PRICKLE4: variants seen among roughly 807,000 people sequenced by gnomAD.
The protein encoded by PRICKLE4 is prickle planar cell polarity protein 4, also known as prickle-like protein 4.
In PRICKLE4, 40 loss-of-function variants were observed where a neutral mutation model predicts 43.5. The ratio of observed to expected loss-of-function variants is 0.92; its 90% CI spans 0.71 to 1.20. The LOEUF is 1.20. Among genes scored for constraint, PRICKLE4 ranks in the 50% most tolerant of loss-of-function variants. The pLI is 0.00. For missense variants in PRICKLE4, 527 were observed against 491.2 expected, an observed-to-expected ratio of 1.07 and a Z score of -0.69; for synonymous variants, 208 against 197.4, an observed-to-expected ratio of 1.05 and a Z score of -0.45.
chr6:41,786,529 G>A (rs1891454), intron 7 of PRICKLE4, 197 bp downstream of exon 7: 2 of 1,005,660 alleles, frequency 2.0e-6, no homozygotes, highest in East Asian at 2.9e-5. Context: ...AGGGCCGCCC[G>A]AACCCACCCC....
intron 2 of PRICKLE4, among the ~76,000 whole-genome samples, chr6:41,782,335 G>A (rs1772565883): frequency 6.7e-6 from 1 of 149,046 alleles, no homozygotes; most frequent in South Asian, 2.1e-4. Flanking sequence ...GCCTCCCAAA[G>A]TGCTGGGATT....
chr6:41,786,019 A>C, intron 6 of PRICKLE4, 109 bp from the exon 7 acceptor site: 1 of 1,154,646 alleles, frequency 8.7e-7, no homozygotes, highest in Non-Finnish European at 1.3e-6. Context: ...TTAAATGGGA[A>C]TGTGTGCAGA....
intron 7 of PRICKLE4, 154 bp downstream of exon 7, chr6:41,786,486 C>T (rs578065599): frequency 5.3e-5 from 56 of 1,060,804 alleles, no homozygotes; most frequent in South Asian, 5.2e-4. Context: ...GGGCCCGCAG[C>T]TCTCACCGCG....
intron 4 of PRICKLE4, 94 bp from the exon 5 acceptor site, chr6:41,784,841 C>G: frequency 6.6e-7 from 1 of 1,516,460 alleles, no homozygotes; most frequent in South Asian, 1.2e-5. Flanking sequence ...TACAACCTTT[C>G]TCTGACCCAG....
chr6:41,787,031 T>A lies in PRICKLE4; in HGVS notation c.1057T>A (p.Phe353Ile). ...SSSSDSEPEG[F>I]FLGERLPQSW... is the part of the protein sequence containing the mutation. ...CTCCTCTGACTCGGAACCTGAAGGA[T>A]TTTTCTTAGGCGAGCGCCTTCCCCA... The change falls in exon 8 of 8, where the codon TTT becomes ATT. Residue 353 changes from phenylalanine (F) to isoleucine (I), a missense_variant. Physicochemically the swap from Phe to Ile is conservative, Grantham distance 21. Coordinates refer to ENST00000458694, the MANE Select transcript of PRICKLE4 (RefSeq NM_013397.6). 6.2e-7 allele frequency: 1 copy of A among 1,613,884 alleles called. No individual in the cohort carries two copies. The highest frequency in any genetic ancestry group is 8.5e-7 in the Non-Finnish European group (1 of 1,179,984).
intron 4 of PRICKLE4, 79 bp from the exon 5 acceptor site, chr6:41,784,856 C>G: frequency 6.4e-7 from 1 of 1,572,556 alleles, no homozygotes; most frequent in South Asian, 1.1e-5. Flanking sequence ...ACCCAGCAGC[C>G]AAGCCCTTTT....
rs755743930 is a variant in PRICKLE4 at position 41,784,958 on chromosome 6, G to A, written c.264G>A (p.Gly88=). ...DIDERYCLAL[G]EEERAELQLF... is the part of the protein sequence containing the mutation. Reference sequence around the variant, plus strand: ...AGGAGCGCTACTGCCTGGCCCTTGGGGAGGAGGAGCGGGCCGAGCTGCAGC... The same window carrying A: ...AGGAGCGCTACTGCCTGGCCCTTGGAGAGGAGGAGCGGGCCGAGCTGCAGC... The change falls in exon 5 of 8, where the codon GGG becomes GGA. Residue 88 remains glycine, a synonymous_variant. Transcript: ENST00000458694. 1.2e-5 allele frequency: 19 copies of A among 1,614,054 alleles called. No homozygotes were observed. Among genetic ancestry groups the A allele is most frequent in the Non-Finnish European group, 1.4e-5 (16 of 1,180,002 alleles).
chr6:41,786,461 C>T (rs892288363), intron 7 of PRICKLE4, 129 bp downstream of exon 7: 18 of 1,170,484 alleles, frequency 1.5e-5, no homozygotes, highest in Non-Finnish European at 2.2e-5. Flanking sequence ...CCGCACCCCC[C>T]AGACCCAAGC....
chr6:41,785,986 G>A, intron 6 of PRICKLE4, 142 bp from the exon 7 acceptor site: 1 of 941,598 alleles, frequency 1.1e-6, no homozygotes, highest in Non-Finnish European at 1.6e-6. Context: ...AGTCCTCCCT[G>A]CGTCCAAAAG....
chr6:41,784,264 T>C (rs775257234), intron 4 of PRICKLE4, 26 bp downstream of exon 4: 1 of 1,521,972 alleles, frequency 6.6e-7, no homozygotes, highest in East Asian at 2.3e-5. Flanking sequence ...CCATCTTCCC[T>C]CTCTTGCCTT....
Position 41,785,508 on chromosome 6 carries a change from T to C in PRICKLE4, c.550T>C (p.Leu184=). 1 of 1,613,730 alleles carries C rather than the reference T, an allele frequency of 6.2e-7. No homozygotes were observed. Among genetic ancestry groups the C allele is most frequent in the Non-Finnish European group, 8.5e-7 (1 of 1,180,020 alleles). ...QLYCGRHHAE[L]LRPRCPACDQ... is the part of the protein sequence containing the mutation. ...CTACTGCGGCCGTCATCATGCAGAGTTGCTGCGCCCGCGCTGCCCGGCTTG... is the reference window on the plus strand; with the variant it reads ...CTACTGCGGCCGTCATCATGCAGAGCTGCTGCGCCCGCGCTGCCCGGCTTG... Residue 184 remains leucine, a synonymous_variant, in exon 6 of 8, where the codon TTG becomes CTG. Coordinates refer to ENST00000458694, the MANE Select transcript of PRICKLE4 (RefSeq NM_013397.6).
chr6:41,784,520 G>C lies in PRICKLE4; in HGVS notation c.240+282G>C, dbSNP rs539055616. ...ACGGATAATGGAATGTACAAATGTA[G>C]AGAGTATGGTTGTTACGTATTTATT... On this transcript the variant is annotated intron_variant, in intron 4 of 7. Coordinates refer to ENST00000458694, the MANE Select transcript of PRICKLE4 (RefSeq NM_013397.6). 2.0e-5 allele frequency among the ~76,000 whole-genome samples: 3 copies of C among 152,354 alleles called. No homozygotes were observed. In the East Asian group the frequency reaches 5.8e-4, roughly 29 times the overall value.
chr6:41,783,429 A>G, intron 2 of PRICKLE4, 33 bp from the exon 3 acceptor site: 1 of 1,449,440 alleles, frequency 6.9e-7, no homozygotes, highest in Non-Finnish European at 9.4e-7. Context: ...TAACGGCCTA[A>G]TACATGGAGG....
rs926818868 is a variant in PRICKLE4, at chr6:41,786,107, C to A, written c.583-21C>A. The A allele has an allele frequency of 2.5e-6, 4 of 1,604,364 alleles. No homozygotes were observed. In the African/African-American group the frequency reaches 4.0e-5, roughly 16 times the overall value. On this transcript the variant is annotated intron_variant, in intron 6 of 7. Transcript: ENST00000458694. ...GGGAATGAATGAATGAAACGTTCCC[C>A]TCTCCCTCTCCCTCTCCCAGCTGAT... is the stretch of plus-strand genomic sequence containing the variant.
rs1772552304 is a variant in PRICKLE4, at chr6:41,781,443, T to G, written c.-90T>G. On this transcript the variant is annotated 5_prime_UTR_variant, in exon 2 of 8. Coordinates refer to ENST00000458694, the MANE Select transcript of PRICKLE4 (RefSeq NM_013397.6). Reference sequence around the variant, plus strand: ...GAGCAGGGGCAGTGCTGTTAGTGGCTACTCCTGGTGTGAACAGCCCATCCT... The same window carrying G: ...GAGCAGGGGCAGTGCTGTTAGTGGCGACTCCTGGTGTGAACAGCCCATCCT... The G allele has an allele frequency of 6.5e-6, 1 of 152,856 alleles. No individual in the cohort carries two copies. 9.5% of individuals were successfully genotyped at this position (152,856 alleles called of 1,614,324 possible). A position where few individuals can be genotyped will look rare whatever the true frequency, so the allele number is the denominator to read the frequency against.
intron 4 of PRICKLE4, 40 bp downstream of exon 4, chr6:41,784,278 C>T (rs1772604465): frequency 4.1e-6 from 6 of 1,446,162 alleles, no homozygotes; most frequent in Middle Eastern, 3.6e-4. Flanking sequence ...TTGCCTTTCC[C>T]TCCCTCATCT....
rs779158807 is a variant in PRICKLE4 at position 41,785,490 on chromosome 6, G to A, written c.532G>A (p.Gly178Ser). Residue 178 changes from glycine (G) to serine (S), a missense_variant, in exon 6 of 8, where the codon GGC becomes AGC. Coordinates refer to ENST00000458694, the MANE Select transcript of PRICKLE4 (RefSeq NM_013397.6). ...CTACCATGATGGACAACTCTACTGC[G>A]GCCGTCATCATGCAGAGTTGCTGCG... ...YFYHDGQLYC[G>S]RHHAELLRPR... 37 of 1,613,864 alleles carry A rather than the reference G, an allele frequency of 2.3e-5. 1 individual carries two copies. In the South Asian group the frequency reaches 3.4e-4, roughly 15 times the overall value.
chr6:41,783,999 G>C, intron 3 of PRICKLE4, 132 bp from the exon 4 acceptor site: 1 of 696,962 alleles, frequency 1.4e-6, no homozygotes, highest in South Asian at 1.8e-5. Context: ...CTGCAAGGAG[G>C]ACCCTCCCAA....
intron 2 of PRICKLE4, among the ~76,000 whole-genome samples, chr6:41,781,870 A>G (rs1772558892): frequency 1.3e-5 from 2 of 152,282 alleles, no homozygotes; most frequent in Non-Finnish European, 2.9e-5. Flanking sequence ...GATGGACTAT[A>G]TTATGTAATA....
Sources: allele counts gnomAD v4.1 joint callset (sites outside exome capture counted in the v4.1 genomes callset), GRCh38; gene constraint gnomAD v4.1.1; transcripts MANE v1.5; gene names NCBI Gene and HGNC (gene_info 2026-07-23, HGNC 2026-07-21).